DCHS2: variants seen among roughly 807,000 people sequenced by gnomAD.
DCHS2 encodes dachsous cadherin-related 2, also known as protocadherin-23.
A neutral mutation model predicts 182.4 loss-of-function variants in DCHS2; 142 were observed. The ratio of observed to expected loss-of-function variants is 0.78; its 90% CI spans 0.68 to 0.89. DCHS2 has a LOEUF of 0.89. Ranked by LOEUF, DCHS2 falls within the 40% of genes least tolerant of loss-of-function variation. The pLI, the probability that DCHS2 is intolerant of heterozygous loss-of-function variation, is 0.00. For synonymous variants in DCHS2, 1,740 were observed against 1,663.3 expected (o/e 1.05, Z -1.12); for missense variants, 4,319 against 4,198.6 (o/e 1.03, Z -0.79).
chr4:154,322,588 C>T (rs1309900779), intron 7 of DCHS2, 100 bp from the exon 8 acceptor site: 47 of 1,379,398 alleles, frequency 3.4e-5, no homozygotes, highest in Non-Finnish European at 4.5e-5. Context: ...GATTTGTTTG[C>T]TTTGAATTCT....
chr4:154,383,306 A>G (rs1165854571), intron 1 of DCHS2, among the ~76,000 whole-genome samples: 3 of 152,070 alleles, frequency 2.0e-5, no homozygotes, highest in Non-Finnish European at 2.9e-5. Context: ...GACAATAAAC[A>G]CAGGAAACTA....
intron 1 of DCHS2, among the ~76,000 whole-genome samples, chr4:154,386,613 G>A (rs1374910398): frequency 6.6e-6 from 1 of 151,898 alleles, no homozygotes; most frequent in Non-Finnish European, 1.5e-5. Context: ...TTAAGCTTCG[G>A]GACAACCATT....
chr4:154,466,326 G>A (rs1735237032), intron 1 of DCHS2, among the ~76,000 whole-genome samples: 1 of 152,142 alleles, frequency 6.6e-6, no homozygotes, highest in Non-Finnish European at 1.5e-5. Context: ...CATAGCAAAG[G>A]TGGTAGCCGC....
rs1731681556 is a variant in DCHS2 at position 154,239,183 on chromosome 4, A to C, written c.7479T>G (p.Ile2493Met). Reference sequence around the variant, plus strand: ...TAAATAACTCACCATTCTTAGGATCAATGGAGAATTCCTTAGAAGAGGATA... The same window carrying C: ...TAAATAACTCACCATTCTTAGGATCCATGGAGAATTCCTTAGAAGAGGATA... ...RILSSSKEFS[I>M]DPKNGTIFTI... The change falls in exon 19 of 20, where the codon ATT (isoleucine) becomes ATG (methionine). Residue 2493 changes from isoleucine to methionine, a missense_variant. Coordinates refer to ENST00000357232, the MANE Select transcript of DCHS2 (RefSeq NM_001358235.2). The C allele has an allele frequency of 4.3e-6, 7 of 1,612,216 alleles. No individual in the cohort carries two copies. Among genetic ancestry groups the C allele is most frequent in the Non-Finnish European group, 5.9e-6 (7 of 1,179,372 alleles).
intron 1 of DCHS2, among the ~76,000 whole-genome samples, chr4:154,430,649 T>C (rs2110934015): frequency 6.6e-6 from 1 of 152,350 alleles, no homozygotes; most frequent in Non-Finnish European, 1.5e-5. Context: ...ATTCTAAGCA[T>C]GAGTTGTGTG....
At chr4:154,368,580 G>C (rs572255860) in intron 2 of DCHS2, among the ~76,000 whole-genome samples, 1 of 150,926 alleles carries the variant, frequency 6.6e-6, no homozygotes, top group Non-Finnish European at 1.5e-5. Context: ...GCAATGGCAC[G>C]ATCTTGGCTC....
At chr4:154,436,264 AATT>A (rs1435104834) in intron 1 of DCHS2, among the ~76,000 whole-genome samples, 1 of 152,228 alleles carries the variant, frequency 6.6e-6, no homozygotes, top group African/African-American at 2.4e-5. Context: ...TCTTTCAACA[AATT>A]ATTATATCAC....
At chr4:154,264,347 A>G (rs886074764) in intron 14 of DCHS2, among the ~76,000 whole-genome samples, 3 of 152,202 alleles carry the variant, frequency 2.0e-5, no homozygotes, top group African/African-American at 7.2e-5. Context: ...TATATGTTTA[A>G]ATACATTAAA....
rs1195653376 is a variant in DCHS2, at chr4:154,303,249, TG to T, written c.5605+1419del. On this transcript the variant is annotated intron_variant, in intron 12 of 19. Coordinates refer to ENST00000357232, the MANE Select transcript of DCHS2 (RefSeq NM_001358235.2). ...CGCCCACGTTGGCCTCCCAAAGTGC[TG>T]GGATGACAGCCATGACCCACCGTAC... is the stretch of plus-strand genomic sequence containing the variant. Among the ~76,000 whole-genome samples, 3 of 152,104 alleles carry T rather than the reference TG, an allele frequency of 2.0e-5. No individual in the cohort carries two copies. The East Asian group carries it at 5.8e-4, about 29-fold the overall frequency.
intron 1 of DCHS2, among the ~76,000 whole-genome samples, chr4:154,420,301 A>G (rs910589031): frequency 6.7e-6 from 1 of 150,342 alleles, no homozygotes; most frequent in Non-Finnish European, 1.5e-5. Flanking sequence ...AGATAGATAG[A>G]TACGTACGTA....
At position 154,320,651 on chromosome 4, in the gene DCHS2, A is replaced by G; in HGVS notation, c.4748T>C (p.Val1583Ala). The G allele has an allele frequency of 6.2e-7, 1 of 1,614,152 alleles. No individual in the cohort carries two copies. The highest frequency in any genetic ancestry group is 8.5e-7 in the Non-Finnish European group (1 of 1,180,028). ...ATCAGATGCTGTTACTGTCAGGATG[A>G]CAGTTGGAATGCTTTCTCTGTCAAG... is the stretch of plus-strand genomic sequence containing the variant. ...SRLDRESIPT[V>A]ILTVTASDQA... The change falls in exon 9 of 20, where the codon GTC (valine) becomes GCC (alanine). Residue 1583 changes from valine (V) to alanine (A), a missense_variant. Transcript: ENST00000357232.
intron 1 of DCHS2, among the ~76,000 whole-genome samples, chr4:154,447,314 T>G (rs539227336): frequency 6.6e-6 from 1 of 151,912 alleles, no homozygotes; most frequent in East Asian, 1.9e-4. Context: ...GAATAAAAAC[T>G]TAAAAACTAG....
In DCHS2 at chr4:154,322,427, T is replaced by G. The variant is rs748198456; in HGVS notation, c.4080A>C (p.Ile1360=). ...AGGAAGGTCTATAATCATACGAAAG[T>G]ATTGTGGTTGTTCTTATTTCACCAT... ...ANNGEIRTTT[I]LSYDYRPSYR... The change falls in exon 8 of 20, where the codon ATA becomes ATC. Residue 1360 remains isoleucine (I), a synonymous_variant. Coordinates refer to ENST00000357232, the MANE Select transcript of DCHS2 (RefSeq NM_001358235.2). 1 of 1,613,710 alleles carries G rather than the reference T, an allele frequency of 6.2e-7. No individual in the cohort carries two copies. The highest frequency in any genetic ancestry group is 8.5e-7 in the Non-Finnish European group (1 of 1,179,790).
Position 154,400,302 on chromosome 4 carries a change from CAAAAA to C in DCHS2, c.2053-22863_2053-22859del, listed in dbSNP as rs56268638. 4.4e-5 allele frequency among the ~76,000 whole-genome samples: 4 copies of C among 91,460 alleles called. 1 individual carries two copies. The highest frequency in any genetic ancestry group is 8.5e-5 in the Non-Finnish European group (4 of 47,224). The allele number at this position is 91,460 out of a possible 152,430, so 60.0% of individuals were successfully genotyped here. A position where few individuals can be genotyped will look rare whatever the true frequency, so the allele number is the denominator to read the frequency against. ...TGGGCAACAGAGCGAGACTTCGTCT[CAAAAA>C]AAAAAAAAAAGGAAGTAGGCTTTCA... On this transcript the variant is annotated intron_variant, in intron 1 of 19. Transcript: ENST00000357232.
At chr4:154,337,047 T>C (rs1052715981) in intron 3 of DCHS2, among the ~76,000 whole-genome samples, 6 of 152,214 alleles carry the variant, frequency 3.9e-5, no homozygotes, top group African/African-American at 1.4e-4. Flanking sequence ...TATTCACATC[T>C]GGTTTCAGAC....
intron 14 of DCHS2, among the ~76,000 whole-genome samples, chr4:154,263,686 GAA>G (rs200534854): frequency 4.1e-4 from 43 of 103,890 alleles, no homozygotes; most frequent in South Asian, 1.6e-3. Context: ...GGCCATTATT[GAA>G]AAAAAAAAAA....
At chr4:154,391,395 T>G in intron 1 of DCHS2, 2 of 1,439,228 alleles carry the variant, frequency 1.4e-6, no homozygotes, top group Non-Finnish European at 1.8e-6. Flanking sequence ...AATACCTCCA[T>G]GACTTTCCAC....
chr4:154,266,595 G>A (rs1424350324), intron 14 of DCHS2, among the ~76,000 whole-genome samples: 8 of 150,866 alleles, frequency 5.3e-5, no homozygotes, highest in Non-Finnish European at 1.2e-4. Context: ...GGTGGAGGTG[G>A]CAGAGAACCG....
At chr4:154,332,418 C>A (rs1028231930) in intron 5 of DCHS2, 60 bp downstream of exon 5, 1 of 1,376,042 alleles carries the variant, frequency 7.3e-7, no homozygotes, top group Non-Finnish European at 9.9e-7. Context: ...TACTTAAAGA[C>A]GAGTGTGATA....
Sources: gnomAD v4.1 joint callset for allele counts (sites outside exome capture counted in the v4.1 genomes callset) on GRCh38, gnomAD v4.1.1 for gene constraint, MANE v1.5 for transcripts, NCBI Gene and HGNC (gene_info 2026-07-23, HGNC 2026-07-21) for gene names.